WIPF1: variants seen among roughly 807,000 people sequenced by gnomAD.
The protein encoded by WIPF1 is WAS/WASL interacting protein family member 1.
Under a neutral mutation model 35.4 loss-of-function variants are expected in WIPF1, and 13 were observed. That is an observed-to-expected ratio of 0.37 (90% CI 0.24 to 0.58). The LOEUF (loss-of-function observed/expected upper bound fraction) is 0.58, where lower values mean the gene tolerates loss of function less well. WIPF1 is among the 20% of genes least tolerant of loss of function. The probability of loss-of-function intolerance (pLI) is 0.74; values close to 1 mark genes in which losing one functional copy is unlikely to be tolerated. For missense variants in WIPF1, 591 were observed against 667.0 expected (o/e 0.89, Z 1.25); for synonymous variants, 267 against 266.3 (o/e 1.00, Z -0.02).
chr2:174,670,125 G>A lies in WIPF1; in HGVS notation c.-39+12649C>T, dbSNP rs115894563. Among the ~76,000 whole-genome samples the A allele has an allele frequency of 6.0e-3, 917 of 152,096 alleles. 12 individuals carry two copies. Among genetic ancestry groups the A allele is most frequent in the African/African-American group, 0.021 (885 of 41,464 alleles). ...TCCAGCTCACTGAGTTCCTGGCACC[G>A]CCAGGAGTCCAACCCAGCAGCCACA... On this transcript the variant is annotated intron_variant, in intron 1 of 8. Coordinates refer to the WIPF1 transcript ENST00000272746.
At chr2:174,599,793 C>CTCTCTCTCTCTCTCTCTCTCTCTAGCTA (rs1559157063), upstream of WIPF1, among the ~76,000 whole-genome samples, 1 of 3,134 alleles carries the variant, frequency 3.2e-4, no homozygotes, top group Non-Finnish European at 7.5e-4. Context: ...CACACACACA[C>CTCTCTCTCTCTCTCTCTCTCTCTAGCTA]TCTCTCTCTC....
intron 1 of WIPF1, among the ~76,000 whole-genome samples, chr2:174,632,687 C>T (rs1158950363): frequency 4.8e-5 from 6 of 124,618 alleles, no homozygotes; most frequent in East Asian, 2.2e-4. Flanking sequence ...TCAACCTAGG[C>T]GACAAGAGCA....
At chr2:174,633,882 T>C (rs1687104773) in intron 1 of WIPF1, among the ~76,000 whole-genome samples, 1 of 152,206 alleles carries the variant, frequency 6.6e-6, no homozygotes, top group African/African-American at 2.4e-5. Context: ...TCGTCTCATA[T>C]TCAAGCTGTC....
chr2:174,633,679 A>G (rs1687096864), intron 1 of WIPF1, among the ~76,000 whole-genome samples: 1 of 152,126 alleles, frequency 6.6e-6, no homozygotes, highest in African/African-American at 2.4e-5. Flanking sequence ...GGCCCTTTCT[A>G]TGTTTCTGGA....
At chr2:174,644,143 T>TA (rs2105951648) in intron 1 of WIPF1, among the ~76,000 whole-genome samples, 1 of 152,310 alleles carries the variant, frequency 6.6e-6, no homozygotes, top group South Asian at 2.1e-4. Flanking sequence ...ATCATGCTCT[T>TA]AATTAGTATA....
chr2:174,607,629 C>A (rs1013542415), intron 1 of WIPF1, among the ~76,000 whole-genome samples: 1 of 151,660 alleles, frequency 6.6e-6, no homozygotes, highest in Non-Finnish European at 1.5e-5. Context: ...CCTTCCTTGA[C>A]CTCTTTCCCT....
At chr2:174,665,136 T>C (rs745522691) in intron 1 of WIPF1, 9 of 152,304 alleles carry the variant, frequency 5.9e-5, no homozygotes, top group Middle Eastern at 3.4e-3. Flanking sequence ...ACCGAGGGTA[T>C]AACGCTGCAT....
At chr2:174,598,607 A>G (rs1217678498), upstream of WIPF1, among the ~76,000 whole-genome samples, 3 of 152,198 alleles carry the variant, frequency 2.0e-5, no homozygotes, top group African/African-American at 7.2e-5. Context: ...GGCTTGAGCT[A>G]CCATACTTGG....
intron 1 of WIPF1, among the ~76,000 whole-genome samples, chr2:174,592,357 G>A (rs1685641598): frequency 6.6e-6 from 1 of 152,058 alleles, no homozygotes. Context: ...CATTAATTTG[G>A]ACTATTCAAA....
chr2:174,624,558 T>C (rs757348381), intron 1 of WIPF1, among the ~76,000 whole-genome samples: 3 of 152,200 alleles, frequency 2.0e-5, no homozygotes, highest in African/African-American at 4.8e-5. Flanking sequence ...AGAAATGCCT[T>C]CCATGTTTCA....
intron 1 of WIPF1, among the ~76,000 whole-genome samples, chr2:174,631,628 C>A (rs1687025181): frequency 6.6e-6 from 1 of 152,082 alleles, no homozygotes; most frequent in Non-Finnish European, 1.5e-5. Flanking sequence ...AATTAAAACT[C>A]CCCCAAAACC....
At chr2:174,582,876 A>C (rs1302215358) in intron 2 of WIPF1, among the ~76,000 whole-genome samples, 1 of 152,258 alleles carries the variant, frequency 6.6e-6, no homozygotes, top group Non-Finnish European at 1.5e-5. Flanking sequence ...TAGTTAACAT[A>C]TACTCTGTGC....
chr2:174,575,782 C>G lies in WIPF1; in HGVS notation c.182-402G>C, dbSNP rs368582613. Reference sequence around the variant, plus strand: ...GCTTGAGCCAGGGAGGTCAAGACTGCAGGGAGCCAAGACTGTGCCACTGCA... The same window carrying G: ...GCTTGAGCCAGGGAGGTCAAGACTGGAGGGAGCCAAGACTGTGCCACTGCA... On this transcript the variant is annotated intron_variant, in intron 3 of 7. Coordinates refer to ENST00000679041, the MANE Select transcript of WIPF1 (RefSeq NM_001375834.1). 5.3e-5 allele frequency among the ~76,000 whole-genome samples: 8 copies of G among 151,590 alleles called. No individual in the cohort carries two copies. In the East Asian group the frequency reaches 5.8e-4, roughly 11 times the overall value.
intron 1 of WIPF1, among the ~76,000 whole-genome samples, chr2:174,603,313 T>G (rs1302914002): frequency 2.6e-5 from 4 of 152,248 alleles, no homozygotes; most frequent in Non-Finnish European, 5.9e-5. Context: ...GGTCACGTTT[T>G]CTATCATTAG....
At chr2:174,671,256 A>T (rs1283901052) in intron 1 of WIPF1, among the ~76,000 whole-genome samples, 1 of 152,252 alleles carries the variant, frequency 6.6e-6, no homozygotes, top group African/African-American at 2.4e-5. Context: ...ATCTCTGAAC[A>T]TAAGTTATGA....
chr2:174,648,007 G>A (rs1407461188), intron 1 of WIPF1, among the ~76,000 whole-genome samples: 1 of 152,182 alleles, frequency 6.6e-6, no homozygotes, highest in Non-Finnish European at 1.5e-5. Flanking sequence ...ATTAGAGAGT[G>A]GGTTACATCC....
chr2:174,612,956 C>T (rs1686398923), intron 1 of WIPF1, among the ~76,000 whole-genome samples: 1 of 152,102 alleles, frequency 6.6e-6, no homozygotes, highest in Non-Finnish European at 1.5e-5. Flanking sequence ...GTTCATAAAC[C>T]AAGGACTACC....
chr2:174,610,275 A>G (rs1686302921), intron 1 of WIPF1, among the ~76,000 whole-genome samples: 1 of 152,000 alleles, frequency 6.6e-6, no homozygotes, highest in Non-Finnish European at 1.5e-5. Flanking sequence ...CCAGTTCCCC[A>G]CCATTTTGTG....
At chr2:174,635,152 G>T (rs1456675903) in intron 1 of WIPF1, among the ~76,000 whole-genome samples, 1 of 152,210 alleles carries the variant, frequency 6.6e-6, no homozygotes, top group East Asian at 1.9e-4. Context: ...AAGTTCACAT[G>T]TGGTCATGCT....
Sources: gnomAD v4.1 joint callset for allele counts (sites outside exome capture counted in the v4.1 genomes callset) on GRCh38, gnomAD v4.1.1 for gene constraint, MANE v1.5 for transcripts, NCBI Gene and HGNC (gene_info 2026-07-23, HGNC 2026-07-21) for gene names.